SLC10A7: variants seen among roughly 807,000 people sequenced by gnomAD.
SLC10A7 encodes the protein solute carrier family 10 member 7.
In SLC10A7, 29 loss-of-function variants were observed where a neutral mutation model predicts 43.2. That is an observed-to-expected ratio of 0.67 (90% CI 0.50 to 0.92). The LOEUF is 0.92. Among genes scored for constraint, SLC10A7 ranks in the 40% least tolerant of loss-of-function variants. The probability of loss-of-function intolerance (pLI) is 0.00; values close to 1 mark genes in which losing one functional copy is unlikely to be tolerated. For synonymous variants in SLC10A7, 152 were observed against 144.8 expected, an observed-to-expected ratio of 1.05 and a Z score of -0.35; for missense variants, 295 against 403.2, an observed-to-expected ratio of 0.73 and a Z score of 2.30.
At chr4:146,465,491 G>A (rs1732940767) in intron 4 of SLC10A7, among the ~76,000 whole-genome samples, 1 of 121,158 alleles carries the variant, frequency 8.3e-6, no homozygotes, top group Non-Finnish European at 1.7e-5. Context: ...AGATATAACT[G>A]CTGAATACTT....
chr4:146,513,398 T>G (rs1306808650), intron 2 of SLC10A7, among the ~76,000 whole-genome samples: 1 of 152,178 alleles, frequency 6.6e-6, no homozygotes, highest in Non-Finnish European at 1.5e-5. Flanking sequence ...TGTAAAATAT[T>G]ATGCATATAA....
chr4:146,415,763 T>G (rs1728515628), intron 5 of SLC10A7, among the ~76,000 whole-genome samples: 1 of 152,226 alleles, frequency 6.6e-6, no homozygotes, highest in Non-Finnish European at 1.5e-5. Flanking sequence ...TAAAGTATAC[T>G]TTGAGTTCAT....
At chr4:146,464,263 T>C (rs191012327) in intron 4 of SLC10A7, among the ~76,000 whole-genome samples, 1 of 152,312 alleles carries the variant, frequency 6.6e-6, no homozygotes, top group Non-Finnish European at 1.5e-5. Flanking sequence ...CACACTATAT[T>C]AAGTGGACAA....
intron 9 of SLC10A7, among the ~76,000 whole-genome samples, chr4:146,284,984 C>G (rs1729796738): frequency 6.6e-6 from 1 of 152,104 alleles, no homozygotes; most frequent in Admixed American, 6.6e-5. Flanking sequence ...CACAAATAAC[C>G]TTCTGGGAAA....
At chr4:146,377,735 A>T (rs1052856143) in intron 5 of SLC10A7, among the ~76,000 whole-genome samples, 1 of 152,236 alleles carries the variant, frequency 6.6e-6, no homozygotes, top group African/African-American at 2.4e-5. Context: ...TTCTTATTAT[A>T]TCACAATATT....
At chr4:146,286,603 C>T (rs368379692) in intron 9 of SLC10A7, among the ~76,000 whole-genome samples, 17 of 106,192 alleles carry the variant, frequency 1.6e-4, no homozygotes, top group Non-Finnish European at 2.2e-4. Flanking sequence ...TGAGAAGGAC[C>T]GTGTCTGGAG....
chr4:146,391,362 G>T (rs1323657637), intron 5 of SLC10A7, among the ~76,000 whole-genome samples: 2 of 152,190 alleles, frequency 1.3e-5, no homozygotes, highest in Non-Finnish European at 2.9e-5. Flanking sequence ...AAAAAGAGCA[G>T]TCTGAACTAT....
chr4:146,446,888 T>C (rs927491072), intron 4 of SLC10A7, among the ~76,000 whole-genome samples: 5 of 152,178 alleles, frequency 3.3e-5, no homozygotes, highest in African/African-American at 7.2e-5. Context: ...AATTAAAAAG[T>C]ATGAATTGCT....
In SLC10A7 at chr4:146,395,714, G is replaced by GTA. The variant is rs142328015; in HGVS notation, c.435+47067_435+47068dup. Among the ~76,000 whole-genome samples the GTA allele has an allele frequency of 9.6e-3, 1,449 of 150,464 alleles. 21 individuals are homozygous for GTA. The highest frequency in any genetic ancestry group is 0.031 in the African/African-American group (1,291 of 41,080). ...ATAACGTCAATGAAAACCAAAACGA[G>GTA]TATATATATATATATTACACAATTA... is the stretch of plus-strand genomic sequence containing the variant. On this transcript the variant is annotated intron_variant, in intron 5 of 11. Transcript: ENST00000335472.
intron 2 of SLC10A7, among the ~76,000 whole-genome samples, chr4:146,511,914 T>A (rs1316482931): frequency 2.0e-5 from 3 of 150,462 alleles, no homozygotes; most frequent in Non-Finnish European, 4.4e-5. Flanking sequence ...TTTTATTTTT[T>A]AAAATACTGT....
At chr4:146,430,390 T>C (rs1019049770) in intron 5 of SLC10A7, among the ~76,000 whole-genome samples, 3 of 152,228 alleles carry the variant, frequency 2.0e-5, no homozygotes, top group Admixed American at 1.3e-4. Context: ...TAGGATTCAT[T>C]GCCCTGGCTC....
intron 5 of SLC10A7, among the ~76,000 whole-genome samples, chr4:146,439,240 T>C (rs1484075556): frequency 6.6e-6 from 1 of 152,182 alleles, no homozygotes; most frequent in East Asian, 1.9e-4. Flanking sequence ...AAAACAGCGT[T>C]CTATAATAAT....
At chr4:146,416,459 C>A (rs1414602232) in intron 5 of SLC10A7, among the ~76,000 whole-genome samples, 1 of 152,188 alleles carries the variant, frequency 6.6e-6, no homozygotes, top group Non-Finnish European at 1.5e-5. Context: ...ACATTCGTTT[C>A]TTCACCTGAC....
chr4:146,428,679 T>C (rs1188455017), intron 5 of SLC10A7, among the ~76,000 whole-genome samples: 1 of 152,110 alleles, frequency 6.6e-6, no homozygotes, highest in Non-Finnish European at 1.5e-5. Context: ...TACTGTACAG[T>C]TTCTTTTTAT....
intron 5 of SLC10A7, among the ~76,000 whole-genome samples, chr4:146,372,371 T>C (rs1347798979): frequency 1.3e-5 from 2 of 151,462 alleles, no homozygotes; most frequent in East Asian, 1.9e-4. Flanking sequence ...GCAGGAACAC[T>C]TGAGCCTGGG....
chr4:146,427,031 T>A (rs1729416585), intron 5 of SLC10A7, among the ~76,000 whole-genome samples: 1 of 152,242 alleles, frequency 6.6e-6, no homozygotes, highest in South Asian at 2.1e-4. Flanking sequence ...GTATGCTATT[T>A]CTGTCTTTAG....
chr4:146,521,208 C>CT (rs566238282), intron 1 of SLC10A7, among the ~76,000 whole-genome samples: 205 of 147,000 alleles, frequency 1.4e-3, no homozygotes, highest in African/African-American at 3.9e-3. Flanking sequence ...TTTTCCTCCA[C>CT]TTTTTTTTTT....
At chr4:146,502,883 T>C (rs1319922320) in intron 4 of SLC10A7, among the ~76,000 whole-genome samples, 1 of 152,118 alleles carries the variant, frequency 6.6e-6, no homozygotes, top group Non-Finnish European at 1.5e-5. Context: ...GAAGGGCAGA[T>C]GGAAGGAATG....
chr4:146,434,844 G>A (rs1730082846), intron 5 of SLC10A7, among the ~76,000 whole-genome samples: 1 of 152,188 alleles, frequency 6.6e-6, no homozygotes. Flanking sequence ...TTATAGGGAT[G>A]AGCCACCACG....
Sources: gnomAD v4.1 joint callset for allele counts (sites outside exome capture counted in the v4.1 genomes callset) on GRCh38, gnomAD v4.1.1 for gene constraint, MANE v1.5 for transcripts, NCBI Gene and HGNC (gene_info 2026-07-23, HGNC 2026-07-21) for gene names.